CRHR1: variants seen among roughly 807,000 people sequenced by gnomAD.
CRHR1 encodes corticotropin-releasing hormone receptor 1.
In CRHR1, 28 loss-of-function variants were observed where a neutral mutation model predicts 56.0. That is an observed-to-expected ratio of 0.50 (90% CI 0.37 to 0.69). The LOEUF (loss-of-function observed/expected upper bound fraction) is 0.69. Ranked by LOEUF, CRHR1 falls within the 30% of genes least tolerant of loss-of-function variation. The probability of loss-of-function intolerance (pLI) is 0.00; values close to 1 mark genes in which losing one functional copy is unlikely to be tolerated. For synonymous variants in CRHR1, 195 were observed against 216.5 expected (o/e 0.90, Z 0.87); for missense variants, 376 against 548.0 (o/e 0.69, Z 3.13).
intron 1 of CRHR1, among the ~76,000 whole-genome samples, chr17:45,802,866 A>G (rs1444808913): frequency 2.6e-5 from 4 of 152,132 alleles, no homozygotes; most frequent in African/African-American, 9.7e-5. Context: ...AAGATGCGAG[A>G]ATAAGAACTT....
At chr17:45,805,737 G>A (rs2664008) in intron 1 of CRHR1, among the ~76,000 whole-genome samples, 9,493 of 152,202 alleles carry the variant, frequency 0.062, 400 homozygotes, top group Non-Finnish European at 0.09. Flanking sequence ...CCAGAGGGGA[G>A]GACCGGTTAC....
chr17:45,823,804 A>C (rs188784389), intron 4 of CRHR1, among the ~76,000 whole-genome samples: 1 of 152,316 alleles, frequency 6.6e-6, no homozygotes, highest in Admixed American at 6.5e-5. Flanking sequence ...TCACTGAGCT[A>C]ATGCGGGGCT....
intron 1 of CRHR1, among the ~76,000 whole-genome samples, chr17:45,797,871 A>C (rs1287428486): frequency 6.6e-6 from 1 of 152,172 alleles, no homozygotes; most frequent in Non-Finnish European, 1.5e-5. Flanking sequence ...TTTACAGATG[A>C]GGTAACTGAG....
chr17:45,830,597 C>A, intron 7 of CRHR1, 27 bp downstream of exon 7: 1 of 1,583,672 alleles, frequency 6.3e-7, no homozygotes. Context: ...CCTCCGCAGC[C>A]TGGGCAGTGG....
intron 1 of CRHR1, among the ~76,000 whole-genome samples, chr17:45,794,019 G>A (rs970354511): frequency 1.3e-5 from 2 of 152,106 alleles, no homozygotes; most frequent in East Asian, 3.9e-4. Flanking sequence ...CTCAAGACCC[G>A]CCTCCTCCAT....
chr17:45,788,811 G>A (rs2061378783), intron 1 of CRHR1, among the ~76,000 whole-genome samples: 1 of 152,186 alleles, frequency 6.6e-6, no homozygotes. Flanking sequence ...TTTAACAAAT[G>A]TTTGTCGACT....
At chr17:45,813,599 C>G (rs774423196) in intron 2 of CRHR1, among the ~76,000 whole-genome samples, 1 of 152,182 alleles carries the variant, frequency 6.6e-6, no homozygotes, top group Non-Finnish European at 1.5e-5. Flanking sequence ...GAACTGGAGT[C>G]GCAGCTCTGC....
At position 45,833,702 on chromosome 17, in the gene CRHR1, G is replaced by T. The variant is rs376747213; in HGVS notation, c.930-12G>T. ...GCTGTGACTCCGAGCCTCCCCACCC[G>T]CCCCACCCCAGGAAGGCTGTGAAAG... is the stretch of plus-strand genomic sequence containing the variant. On this transcript the variant is annotated splice_polypyrimidine_tract_variant and intron_variant, in intron 10 of 12. Coordinates refer to ENST00000314537, the MANE Select transcript of CRHR1 (RefSeq NM_004382.5). 7.4e-6 allele frequency: 3 copies of T among 404,618 alleles called. No individual in the cohort carries two copies. Among genetic ancestry groups the T allele is most frequent in the Admixed American group, 7.5e-5 (2 of 26,574 alleles). The allele number at this position is 404,618 out of a possible 1,614,324, so 25.1% of individuals were successfully genotyped here.
chr17:45,811,544 T>A (rs1209524928), intron 2 of CRHR1, among the ~76,000 whole-genome samples: 1 of 152,190 alleles, frequency 6.6e-6, no homozygotes, highest in Admixed American at 6.5e-5. Context: ...AGTGGGTTGG[T>A]TCTACTCCCA....
chr17:45,833,858 C>T lies in CRHR1; in HGVS notation c.1065+9C>T, dbSNP rs73984622. ...TCCTGGAATCCTTCCAGGTACAGCC[C>T]TGGAGGGACACATCAGCACCTCCTT... On this transcript the variant is annotated intron_variant, in intron 11 of 12. Coordinates refer to ENST00000314537, the MANE Select transcript of CRHR1 (RefSeq NM_004382.5). 1,985 of 1,613,212 alleles carry T rather than the reference C, an allele frequency of 1.2e-3. 36 individuals are homozygous for T. The African/African-American group carries it at 0.023, about 19-fold the overall frequency.
intron 4 of CRHR1, among the ~76,000 whole-genome samples, chr17:45,823,837 G>A (rs1016166990): frequency 2.6e-5 from 4 of 152,236 alleles, no homozygotes; most frequent in African/African-American, 9.6e-5. Context: ...TCCGGAAGCT[G>A]CAGCTAGGTC....
rs71363555 is a variant in CRHR1, at chr17:45,791,833, TTCTCTC to T, written c.33+7271_33+7276del. Among the ~76,000 whole-genome samples the T allele has an allele frequency of 7.3e-4, 93 of 127,212 alleles. 1 individual carries two copies. The East Asian group carries it at 0.018, about 25-fold the overall frequency. The allele number at this position is 127,212 out of a possible 152,430, so 83.5% of individuals were successfully genotyped here. A position where few individuals can be genotyped will look rare whatever the true frequency, so the allele number is the denominator to read the frequency against. On this transcript the variant is annotated intron_variant, in intron 1 of 12. Coordinates refer to ENST00000314537, the MANE Select transcript of CRHR1 (RefSeq NM_004382.5). ...TGGGCATTTTTTTCTCTCTCTCTCT[TTCTCTC>T]TCTCTCTCTCTCTCACACACACACA...
intron 3 of CRHR1, among the ~76,000 whole-genome samples, chr17:45,818,751 T>A (rs1056625904): frequency 1.3e-5 from 2 of 152,190 alleles, no homozygotes; most frequent in African/African-American, 4.8e-5. Flanking sequence ...TAAGCACTAA[T>A]TAATCCATTT....
intron 1 of CRHR1, among the ~76,000 whole-genome samples, chr17:45,797,989 T>C (rs1313922366): frequency 6.6e-6 from 1 of 151,760 alleles, no homozygotes; most frequent in Admixed American, 6.6e-5. Flanking sequence ...GAGTCCAAGG[T>C]GCGGGGCTAT....
chr17:45,835,714 C>G lies in CRHR1; in HGVS notation c.*950C>G, dbSNP rs1395478607. ...CCGGCCGCAGCCCCCACTGACCTGCCCATGTCCAGAGGGACTGGACAGCCA... is the reference window on the plus strand; with the variant it reads ...CCGGCCGCAGCCCCCACTGACCTGCGCATGTCCAGAGGGACTGGACAGCCA... On this transcript the variant is annotated 3_prime_UTR_variant, in exon 13 of 13. Transcript: ENST00000314537. The G allele has an allele frequency of 6.6e-6, 1 of 152,318 alleles. No homozygotes were observed. The highest frequency in any genetic ancestry group is 1.5e-5 in the Non-Finnish European group (1 of 68,098). The allele number at this position is 152,318 out of a possible 1,614,324, so 9.4% of individuals were successfully genotyped here.
chr17:45,835,331 G>A lies in CRHR1; in HGVS notation c.*567G>A, dbSNP rs1397589694. On this transcript the variant is annotated 3_prime_UTR_variant, in exon 13 of 13. Coordinates refer to ENST00000314537, the MANE Select transcript of CRHR1 (RefSeq NM_004382.5). ...TCAGACTTGCGGCCACAGCACTAGA[G>A]TCACCCCCCCAGGCCTCCAGAACCT... 1 of 154,706 alleles carries A rather than the reference G, an allele frequency of 6.5e-6. No homozygotes were observed. Among genetic ancestry groups the A allele is most frequent in the Non-Finnish European group, 1.4e-5 (1 of 69,486 alleles). The allele number at this position is 154,706 out of a possible 1,614,324, so 9.6% of individuals were successfully genotyped here.
chr17:45,821,474 A>G, intron 4 of CRHR1, 34 bp downstream of exon 4: 1 of 1,579,628 alleles, frequency 6.3e-7, no homozygotes. Context: ...GCCCATATGG[A>G]GGGGAGTCCA....
At chr17:45,791,580 T>C (rs1482423425) in intron 1 of CRHR1, among the ~76,000 whole-genome samples, 1 of 152,128 alleles carries the variant, frequency 6.6e-6, no homozygotes, top group Admixed American at 6.5e-5. Context: ...TGGCATCTCC[T>C]GGAAACTTCC....
At chr17:45,809,776 A>G (rs2061787195) in intron 2 of CRHR1, among the ~76,000 whole-genome samples, 1 of 152,258 alleles carries the variant, frequency 6.6e-6, no homozygotes, top group African/African-American at 2.4e-5. Context: ...GCCTCATGCC[A>G]GGAACTGGGA....
Sources: gnomAD v4.1 joint callset for allele counts (sites outside exome capture counted in the v4.1 genomes callset) on GRCh38, gnomAD v4.1.1 for gene constraint, MANE v1.5 for transcripts, NCBI Gene and HGNC (gene_info 2026-07-23, HGNC 2026-07-21) for gene names.